Variants in GNE observed in about 807,000 individuals in gnomAD.
GNE encodes the protein bifunctional UDP-N-acetylglucosamine 2-epimerase/N-acetylmannosamine kinase.
A neutral mutation model predicts 61.8 loss-of-function variants in GNE; 41 were observed. That is an observed-to-expected ratio of 0.66 (90% CI 0.52 to 0.86). GNE has a LOEUF of 0.86. Among genes scored for constraint, GNE ranks in the 40% least tolerant of loss-of-function variants. The pLI is 0.00. For missense variants in GNE, 608 were observed against 909.1 expected (o/e 0.67, Z 4.26); for synonymous variants, 264 against 326.4 (o/e 0.81, Z 2.06).
chr9:36,264,274 A>G (rs969706908), intron 1 of GNE, among the ~76,000 whole-genome samples: 1 of 152,092 alleles, frequency 6.6e-6, no homozygotes, highest in South Asian at 2.1e-4. Context: ...TTGGGACTAC[A>G]GGCAGGCACC....
intron 9 of GNE, among the ~76,000 whole-genome samples, chr9:36,220,556 C>T (rs1035030293): frequency 5.9e-5 from 9 of 152,168 alleles, no homozygotes; most frequent in Non-Finnish European, 1.3e-4. Context: ...TCCTTAATGG[C>T]TTTCTTCCTG....
At chr9:36,264,756 A>C (rs1053775910) in intron 1 of GNE, among the ~76,000 whole-genome samples, 1 of 152,168 alleles carries the variant, frequency 6.6e-6, no homozygotes, top group African/African-American at 2.4e-5. Flanking sequence ...TAGTAAAGAG[A>C]GCTCACTAAA....
rs1830191232 is a variant in GNE at position 36,253,312 on chromosome 9, G to A, written c.-42-3915C>T. ...TTTTTTTAAAATACAGTCTCCCTCT[G>A]TTGCCCAGGCTAGAGTGCAGTGACA... On this transcript the variant is annotated intron_variant, in intron 1 of 11. Transcript: ENST00000642385. Among the ~76,000 whole-genome samples the A allele has an allele frequency of 6.8e-5, 10 of 147,364 alleles. No homozygotes were observed. In the South Asian group the frequency reaches 2.1e-3, roughly 31 times the overall value.
intron 1 of GNE, among the ~76,000 whole-genome samples, chr9:36,273,031 G>A (rs1013296531): frequency 6.6e-6 from 1 of 151,750 alleles, no homozygotes; most frequent in African/African-American, 2.4e-5. Flanking sequence ...GTTGCAGTGA[G>A]CCAAGATTGC....
chr9:36,266,935 C>A (rs1170105851), intron 1 of GNE, among the ~76,000 whole-genome samples: 3 of 151,328 alleles, frequency 2.0e-5, no homozygotes, highest in Non-Finnish European at 4.4e-5. Context: ...GGGTGGTGGC[C>A]CCCGCCTGTA....
chr9:36,227,477 CAATT>C lies in GNE; in HGVS notation c.1071-23_1071-20del. The C allele has an allele frequency of 1.4e-6, 2 of 1,456,636 alleles. No individual in the cohort carries two copies. The highest frequency in any genetic ancestry group is 2.3e-5 in the East Asian group (1 of 44,162). 90.2% of individuals were successfully genotyped at this position (1,456,636 alleles called of 1,614,324 possible). ...CTTTGAACTGCAATATACAAAAAGT[CAATT>C]AAATTATATGCTTCTGCCATACATG... On this transcript the variant is annotated intron_variant, in intron 6 of 11. Transcript: ENST00000642385.
intron 1 of GNE, among the ~76,000 whole-genome samples, chr9:36,276,640 G>A (rs577592416): frequency 6.6e-6 from 1 of 152,256 alleles, no homozygotes; most frequent in Non-Finnish European, 1.5e-5. Context: ...CAGGAATCTG[G>A]AGAAAAGAGT....
intron 1 of GNE, among the ~76,000 whole-genome samples, chr9:36,253,073 A>G (rs1437931561): frequency 1.3e-5 from 2 of 152,032 alleles, no homozygotes; most frequent in African/African-American, 4.8e-5. Context: ...GAGGCAGGAG[A>G]ATCACTTGAA....
At chr9:36,245,536 T>C (rs1166349863) in intron 3 of GNE, among the ~76,000 whole-genome samples, 2 of 151,736 alleles carry the variant, frequency 1.3e-5, no homozygotes, top group Non-Finnish European at 2.9e-5. Context: ...TAGCCGGTCA[T>C]GGTGGTCCAC....
At chr9:36,273,024 G>T (rs1240703948) in intron 1 of GNE, among the ~76,000 whole-genome samples, 1 of 151,638 alleles carries the variant, frequency 6.6e-6, no homozygotes, top group East Asian at 2.0e-4. Context: ...GGTGGAGGTT[G>T]CAGTGAGCCA....
At chr9:36,226,946 G>C (rs1455939341) in intron 7 of GNE, among the ~76,000 whole-genome samples, 6 of 152,162 alleles carry the variant, frequency 3.9e-5, no homozygotes, top group African/African-American at 1.4e-4. Flanking sequence ...CACACTCCAA[G>C]CTGTTACCAA....
chr9:36,272,917 CAAAAA>C (rs59845826), intron 1 of GNE, among the ~76,000 whole-genome samples: 288 of 38,364 alleles, frequency 7.5e-3, no homozygotes, highest in Non-Finnish European at 0.011. Flanking sequence ...AGTAAAAATA[CAAAAA>C]AAAAAAAAAA....
chr9:36,248,617 C>A (rs1199304075), intron 2 of GNE, among the ~76,000 whole-genome samples: 1 of 152,226 alleles, frequency 6.6e-6, no homozygotes, highest in Non-Finnish European at 1.5e-5. Flanking sequence ...TGCCACCGTG[C>A]CCGGCCCAAC....
At position 36,246,315 on chromosome 9, in the gene GNE, C is replaced by T; in HGVS notation, c.332G>A (p.Gly111Glu). The T allele has an allele frequency of 6.2e-7, 1 of 1,614,194 alleles. No individual in the cohort carries two copies. Among genetic ancestry groups the T allele is most frequent in the Non-Finnish European group, 8.5e-7 (1 of 1,180,050 alleles). The change falls in exon 3 of 12, where the codon GGA becomes GAA. Residue 111 changes from glycine (G) to glutamate (E), a missense_variant. Transcript: ENST00000642385. ...RLKPDIMIVH[G>E]DRFDALALAT... ...CAGAGCCAGGGCATCAAACCTGTCT[C>T]CATGAACAATCATGATATCAGGCTT...
At position 36,217,161 on chromosome 9, in the gene GNE, G is replaced by A; in HGVS notation, c.*204C>T. ...GAGCTAAAATGACCCCTAGTAAGAAGACATCAGAAAGAATAGCATCTACAA... is the reference window on the plus strand; with the variant it reads ...GAGCTAAAATGACCCCTAGTAAGAAAACATCAGAAAGAATAGCATCTACAA... On this transcript the variant is annotated 3_prime_UTR_variant, in exon 12 of 12. Coordinates refer to ENST00000642385, the MANE Select transcript of GNE (RefSeq NM_005476.7). The A allele has an allele frequency of 1.7e-6, 1 of 601,288 alleles. No individual in the cohort carries two copies. The highest frequency in any genetic ancestry group is 3.0e-6 in the Non-Finnish European group (1 of 336,540). 37.2% of individuals were successfully genotyped at this position (601,288 alleles called of 1,614,324 possible).
chr9:36,232,988 G>A (rs531759519), intron 5 of GNE, among the ~76,000 whole-genome samples: 2 of 152,314 alleles, frequency 1.3e-5, no homozygotes, highest in East Asian at 3.9e-4. Context: ...AATGAGAAGG[G>A]AAGAAGATCT....
intron 3 of GNE, among the ~76,000 whole-genome samples, chr9:36,245,358 C>T (rs1032192968): frequency 5.3e-5 from 8 of 151,968 alleles, no homozygotes; most frequent in Non-Finnish European, 8.8e-5. Context: ...GTACATACTT[C>T]CTAACCATTC....
chr9:36,272,897 A>T (rs1218045328), intron 1 of GNE, among the ~76,000 whole-genome samples: 2 of 143,658 alleles, frequency 1.4e-5, no homozygotes, highest in East Asian at 4.1e-4. Context: ...GTGGTGGTGA[A>T]ACCTCATCTA....
intron 1 of GNE, among the ~76,000 whole-genome samples, chr9:36,273,640 C>T (rs1831129190): frequency 6.6e-6 from 1 of 150,796 alleles, no homozygotes; most frequent in African/African-American, 2.5e-5. Flanking sequence ...TCTACTGTCA[C>T]TCTTGGCCAA....
Sources: gnomAD v4.1 joint callset for allele counts (sites outside exome capture counted in the v4.1 genomes callset) on GRCh38, gnomAD v4.1.1 for gene constraint, MANE v1.5 for transcripts, NCBI Gene and HGNC (gene_info 2026-07-23, HGNC 2026-07-21) for gene names.